Variants in ANKRD18B observed in about 807,000 individuals in gnomAD.
The protein encoded by ANKRD18B is ankyrin repeat domain-containing protein 18B.
A neutral mutation model predicts 111.8 loss-of-function variants in ANKRD18B; 75 were observed. The ratio of observed to expected loss-of-function variants is 0.67; its 90% confidence interval spans 0.56 to 0.81. ANKRD18B has a LOEUF of 0.81. Ranked by LOEUF, ANKRD18B falls within the 40% of genes least tolerant of loss-of-function variation. The pLI, the probability that ANKRD18B is intolerant of heterozygous loss-of-function variation, is 0.00. For synonymous variants in ANKRD18B, 356 were observed against 417.3 expected (o/e 0.85, Z 1.79); for missense variants, 1,038 against 1,225.5 (o/e 0.85, Z 2.28).
intron 14 of ANKRD18B, among the ~76,000 whole-genome samples, chr9:33,562,365 G>C (rs371098488): frequency 0.043 from 6,213 of 145,906 alleles, 182 homozygotes; most frequent in Middle Eastern, 0.078. Flanking sequence ...ATCTTGTTCT[G>C]TTGTGTAACA....
At chr9:33,555,605 T>G in intron 12 of ANKRD18B, 103 bp from the exon 13 acceptor site, 1 of 915,536 alleles carries the variant, frequency 1.1e-6, no homozygotes, top group Non-Finnish European at 1.4e-6. Context: ...TTTATACAAC[T>G]GCCTAAATAC....
In ANKRD18B at chr9:33,557,100, A is replaced by G. The variant is rs1000582218; in HGVS notation, c.2331-958A>G. ...TATTTTTCTGCCATTGTCTTTCTCTACATGGTTTTGTATCTTTCATTTTGT... is the reference window on the plus strand; with the variant it reads ...TATTTTTCTGCCATTGTCTTTCTCTGCATGGTTTTGTATCTTTCATTTTGT... On this transcript the variant is annotated intron_variant, in intron 13 of 18. Coordinates refer to ENST00000684830, the MANE Select transcript of ANKRD18B (RefSeq NM_001393611.1). 3.9e-5 allele frequency among the ~76,000 whole-genome samples: 6 copies of G among 152,116 alleles called. No homozygotes were observed. In the South Asian group the frequency reaches 6.2e-4, roughly 16 times the overall value.
In ANKRD18B at chr9:33,569,175, G is replaced by T. The variant is rs563778488; in HGVS notation, c.3177+282G>T. ...CTGCATTTGTTAGGTTTTAAAAAAT[G>T]CATGTTATTGCCTAATAACTGATGG... On this transcript the variant is annotated intron_variant, in intron 17 of 18. Coordinates refer to ENST00000684830, the MANE Select transcript of ANKRD18B (RefSeq NM_001393611.1). The T allele has an allele frequency of 2.3e-5, 6 of 264,374 alleles. No homozygotes were observed. In the Admixed American group the frequency reaches 3.1e-4, roughly 14 times the overall value. The allele number at this position is 264,374 out of a possible 1,614,324, so 16.4% of individuals were successfully genotyped here. A position where few individuals can be genotyped will look rare whatever the true frequency, so the allele number is the denominator to read the frequency against.
At chr9:33,551,141 G>A (rs1346876952) in intron 12 of ANKRD18B, among the ~76,000 whole-genome samples, 1 of 152,120 alleles carries the variant, frequency 6.6e-6, no homozygotes, top group Non-Finnish European at 1.5e-5. Context: ...ATATTGTAAT[G>A]GCGTAGAAAT....
At chr9:33,551,032 A>G (rs973851883) in intron 12 of ANKRD18B, among the ~76,000 whole-genome samples, 3 of 152,184 alleles carry the variant, frequency 2.0e-5, no homozygotes, top group African/African-American at 7.2e-5. Context: ...CTTGTACAGA[A>G]AGGCCATCAT....
chr9:33,533,751 C>T (rs1480834663), intron 4 of ANKRD18B: 1 of 1,034,972 alleles, frequency 9.7e-7, no homozygotes, highest in Non-Finnish European at 1.3e-6. Flanking sequence ...TTCATCTTCT[C>T]TTATAGACTG....
intron 14 of ANKRD18B, among the ~76,000 whole-genome samples, chr9:33,562,981 A>G (rs1828628848): frequency 6.6e-6 from 1 of 152,186 alleles, no homozygotes; most frequent in Admixed American, 6.5e-5. Context: ...CTTGCTTTGC[A>G]GTCTTATTTC....
chr9:33,561,640 T>C (rs113684243), intron 14 of ANKRD18B, among the ~76,000 whole-genome samples: 239 of 152,366 alleles, frequency 1.6e-3, no homozygotes, highest in African/African-American at 5.5e-3. Context: ...GAGAGTTTTA[T>C]AGTTTTAGCT....
At chr9:33,561,468 T>TTTC (rs1828605555) in intron 14 of ANKRD18B, among the ~76,000 whole-genome samples, 1 of 152,228 alleles carries the variant, frequency 6.6e-6, no homozygotes, top group African/African-American at 2.4e-5. Flanking sequence ...TTTCAGATAC[T>TTTC]TTCTTCTACT....
At chr9:33,537,695 C>G (rs1828222003) in intron 6 of ANKRD18B, among the ~76,000 whole-genome samples, 1 of 152,060 alleles carries the variant, frequency 6.6e-6, no homozygotes, top group African/African-American at 2.4e-5. Context: ...GGACTCTGAT[C>G]CCTGTGGAGT....
chr9:33,556,106 A>G (rs1828522263), intron 13 of ANKRD18B, among the ~76,000 whole-genome samples: 1 of 152,184 alleles, frequency 6.6e-6, no homozygotes, highest in South Asian at 2.1e-4. Context: ...ACCATGTGTC[A>G]TAGAGTCCAA....
chr9:33,533,068 C>T (rs200367455), intron 3 of ANKRD18B, among the ~76,000 whole-genome samples: 5,567 of 152,092 alleles, frequency 0.037, 204 homozygotes, highest in East Asian at 0.2. Context: ...GCATTCGCTA[C>T]TATGTCTTAG....
intron 11 of ANKRD18B, among the ~76,000 whole-genome samples, chr9:33,549,082 A>G (rs1447207577): frequency 6.6e-6 from 1 of 152,194 alleles, no homozygotes; most frequent in Non-Finnish European, 1.5e-5. Context: ...GCTAATGGGC[A>G]TTAGGGATTG....
intron 3 of ANKRD18B, among the ~76,000 whole-genome samples, chr9:33,531,738 CTA>C (rs1285854945): frequency 6.6e-6 from 1 of 151,152 alleles, no homozygotes; most frequent in Admixed American, 6.6e-5. Flanking sequence ...AATATATAGT[CTA>C]TAGTTTATAT....
In ANKRD18B at chr9:33,534,421, C is replaced by T. The variant is rs1337864900; in HGVS notation, c.654C>T (p.Leu218=). 6.4e-7 allele frequency: 1 copy of T among 1,551,048 alleles called. No individual in the cohort carries two copies. The highest frequency in any genetic ancestry group is 2.0e-5 in the Admixed American group (1 of 50,780). Residue 218 remains leucine, a synonymous_variant, in exon 5 of 19, where the codon CTC becomes CTT. Coordinates refer to ENST00000684830, the MANE Select transcript of ANKRD18B (RefSeq NM_001393611.1). The part of the protein sequence containing the change: ...VQHNLSSIVT[L]LLQQNIHISS... ...ATAACTTGTCAAGTATCGTCACCCTCCTGCTTCAACAAAATATACATATCT... is the reference window on the plus strand; with the variant it reads ...ATAACTTGTCAAGTATCGTCACCCTTCTGCTTCAACAAAATATACATATCT...
At chr9:33,538,441 A>G (rs1828231629) in intron 6 of ANKRD18B, among the ~76,000 whole-genome samples, 1 of 152,156 alleles carries the variant, frequency 6.6e-6, no homozygotes, top group South Asian at 2.1e-4. Flanking sequence ...TATTGGAACA[A>G]GATAATCTGT....
Position 33,556,253 on chromosome 9 carries a change from A to G in ANKRD18B, c.2330+433A>G, listed in dbSNP as rs529241. 2.0e-3 allele frequency among the ~76,000 whole-genome samples: 300 copies of G among 152,190 alleles called. 3 individuals carry two copies. The highest frequency in any genetic ancestry group is 6.9e-3 in the African/African-American group (285 of 41,528). On this transcript the variant is annotated intron_variant, in intron 13 of 18. Transcript: ENST00000684830. ...ATTTTTTTGAATGCCAAAACATTAC[A>G]CCTATTTTCATTTATTTATTTATCT...
At position 33,548,353 on chromosome 9, in the gene ANKRD18B, A is replaced by T; in HGVS notation, c.1565A>T (p.Asp522Val). The stretch of plus-strand genomic sequence containing the variant: ...GAACTAGTTTTATGGAGAGCAGATG[A>T]TGTTTCTAGACATGAAACAATGGGT... ...DLELVLWRAD[D>V]VSRHETMGSN... Residue 522 changes from aspartate to valine, a missense_variant, in exon 11 of 19, where the codon GAT (aspartate) becomes GTT (valine). Physicochemically the swap from Asp to Val is radical, Grantham distance 152. Coordinates refer to ENST00000684830, the MANE Select transcript of ANKRD18B (RefSeq NM_001393611.1). The T allele has an allele frequency of 6.5e-7, 1 of 1,549,754 alleles. No homozygotes were observed.
intron 1 of ANKRD18B, among the ~76,000 whole-genome samples, chr9:33,526,941 A>G (rs1828032994): frequency 1.3e-5 from 2 of 152,218 alleles, no homozygotes; most frequent in South Asian, 4.1e-4. Flanking sequence ...CAATCCATTT[A>G]TTCATCAAAC....
Sources: gnomAD v4.1 joint callset for allele counts (sites outside exome capture counted in the v4.1 genomes callset) on GRCh38, gnomAD v4.1.1 for gene constraint, MANE v1.5 for transcripts, NCBI Gene and HGNC (gene_info 2026-07-23, HGNC 2026-07-21) for gene names.